The following HDDC3 variants were observed in gnomAD, a reference collection of about 807,000 sequenced individuals.
HDDC3 encodes guanosine-3',5'-bis(diphosphate) 3'-pyrophosphohydrolase MESH1.
HDDC3 carries 18 observed loss-of-function variants against 19.1 expected under a neutral mutation model. That is an observed-to-expected ratio of 0.94 (90% confidence interval 0.65 to 1.40). HDDC3 has a LOEUF of 1.40. Ranked by LOEUF, HDDC3 falls within the 40% of genes most tolerant of loss-of-function variation. HDDC3 has a pLI of 0.00. For synonymous variants in HDDC3, 107 were observed against 99.4 expected, an observed-to-expected ratio of 1.08 and a Z score of -0.46; for missense variants, 250 against 228.9, an observed-to-expected ratio of 1.09 and a Z score of -0.59.
rs954715130 is a variant in HDDC3, at chr15:90,930,677, A to G, written c.*598T>C. ...AGACACCGCGCCTGGCCCCCTTCCAACTTTCTTAACGGGAAAGGCTGCTAC... is the reference window on the plus strand; with the variant it reads ...AGACACCGCGCCTGGCCCCCTTCCAGCTTTCTTAACGGGAAAGGCTGCTAC... On this transcript the variant is annotated 3_prime_UTR_variant, in exon 4 of 4. Transcript: ENST00000394272. 4.6e-5 allele frequency: 7 copies of G among 153,810 alleles called. No individual in the cohort carries two copies. The highest frequency in any genetic ancestry group is 7.2e-5 in the African/African-American group (3 of 41,386). 9.5% of individuals were successfully genotyped at this position (153,810 alleles called of 1,614,324 possible).
At position 90,931,226 on chromosome 15, in the gene HDDC3, C is replaced by T; in HGVS notation, c.*49G>A. The T allele has an allele frequency of 1.9e-6, 3 of 1,545,772 alleles. No individual in the cohort carries two copies. Among genetic ancestry groups the T allele is most frequent in the Non-Finnish European group, 2.6e-6 (3 of 1,142,932 alleles). On this transcript the variant is annotated 3_prime_UTR_variant, in exon 4 of 4. Transcript: ENST00000394272. ...GAAAAGATGGCGTATGAATCCTGTC[C>T]GGCCTGAACGAGGCTGGAGTTGTGC...
Position 90,931,236 on chromosome 15 carries a change from G to A in HDDC3, c.*39C>T. 1 of 1,548,666 alleles carries A rather than the reference G, an allele frequency of 6.5e-7. No individual in the cohort carries two copies. The highest frequency in any genetic ancestry group is 8.7e-7 in the Non-Finnish European group (1 of 1,145,258). On this transcript the variant is annotated 3_prime_UTR_variant, in exon 4 of 4. Coordinates refer to ENST00000394272, the MANE Select transcript of HDDC3 (RefSeq NM_001286451.2). ...CGTATGAATCCTGTCCGGCCTGAAC[G>A]AGGCTGGAGTTGTGCCTCTGGATAG...
In HDDC3 at chr15:90,931,127, C is replaced by A; in HGVS notation, c.*148G>T. On this transcript the variant is annotated 3_prime_UTR_variant, in exon 4 of 4. Transcript: ENST00000394272. Reference sequence around the variant, plus strand: ...CTCAGCTTAGTTAGCAGGAGACCTTCAGACTGAGAAAAAATGCAAGTCTTT... The same window carrying A: ...CTCAGCTTAGTTAGCAGGAGACCTTAAGACTGAGAAAAAATGCAAGTCTTT... 1 of 966,250 alleles carries A rather than the reference C, an allele frequency of 1.0e-6. No homozygotes were observed. Among genetic ancestry groups the A allele is most frequent in the Non-Finnish European group, 1.5e-6 (1 of 658,302 alleles). The allele number at this position is 966,250 out of a possible 1,614,324, so 59.9% of individuals were successfully genotyped here.
chr15:90,931,503 T>A, intron 3 of HDDC3, 98 bp from the exon 4 acceptor site: 1 of 1,614,210 alleles, frequency 6.2e-7, no homozygotes, highest in Non-Finnish European at 8.5e-7. Context: ...CATGAGTTCC[T>A]GATGGAATGA....
chr15:90,931,179 T>C lies in HDDC3; in HGVS notation c.*96A>G. On this transcript the variant is annotated 3_prime_UTR_variant, in exon 4 of 4. Transcript: ENST00000394272. Reference sequence around the variant, plus strand: ...TTTGGCCTCTAATATCTGGGAAGGATGGAGGGAGCTCAGGAGACACAGAAA... The same window carrying C: ...TTTGGCCTCTAATATCTGGGAAGGACGGAGGGAGCTCAGGAGACACAGAAA... 1 of 1,424,362 alleles carries C rather than the reference T, an allele frequency of 7.0e-7. No individual in the cohort carries two copies. The highest frequency in any genetic ancestry group is 1.3e-5 in the South Asian group (1 of 77,612). 88.2% of individuals were successfully genotyped at this position (1,424,362 alleles called of 1,614,324 possible). A position where few individuals can be genotyped will look rare whatever the true frequency, so the allele number is the denominator to read the frequency against.
chr15:90,931,514 G>A, intron 3 of HDDC3, 109 bp from the exon 4 acceptor site: 1 of 1,614,174 alleles, frequency 6.2e-7, no homozygotes, highest in Non-Finnish European at 8.5e-7. Flanking sequence ...GATGGAATGA[G>A]CTGTCCTGAA....
At chr15:90,932,315 C>T (rs1231289353) in intron 1 of HDDC3, 114 bp downstream of exon 1, 1 of 797,684 alleles carries the variant, frequency 1.3e-6, no homozygotes, top group Non-Finnish European at 1.9e-6. Flanking sequence ...AACGGTATAT[C>T]GCACTAAGCT....
Position 90,931,838 on chromosome 15 carries a change from T to A in HDDC3, c.275A>T (p.Asp92Val), listed in dbSNP as rs1229747659. 3 of 1,613,974 alleles carry A rather than the reference T, an allele frequency of 1.9e-6. No homozygotes were observed. In the Admixed American group the frequency reaches 5.0e-5, roughly 27 times the overall value. The part of the protein sequence containing the change: ...VRRLVEEVTD[D>V]KTLPKLERKR... ...TCTCTCCAGCTTGGGCAGAGTCTTGTCATCTGTTACCTCCTCCACCAGGCG... is the reference window on the plus strand; with the variant it reads ...TCTCTCCAGCTTGGGCAGAGTCTTGACATCTGTTACCTCCTCCACCAGGCG... Residue 92 changes from aspartate to valine, a missense_variant, in exon 3 of 4, where the codon GAC becomes GTC. Asp to Val is a radical substitution (Grantham distance 152). Transcript: ENST00000394272.
Position 90,931,252 on chromosome 15 carries a change from C to G in HDDC3, c.*23G>C, listed in dbSNP as rs2151347626. On this transcript the variant is annotated 3_prime_UTR_variant, in exon 4 of 4. Transcript: ENST00000394272. Reference sequence around the variant, plus strand: ...GGCCTGAACGAGGCTGGAGTTGTGCCTCTGGATAGCTTCAAGCACTGATCA... The same window carrying G: ...GGCCTGAACGAGGCTGGAGTTGTGCGTCTGGATAGCTTCAAGCACTGATCA... The G allele has an allele frequency of 6.4e-7, 1 of 1,550,656 alleles. No individual in the cohort carries two copies. Among genetic ancestry groups the G allele is most frequent in the East Asian group, 2.4e-5 (1 of 40,932 alleles).
chr15:90,931,936 C>G lies in HDDC3; in HGVS notation c.177G>C (p.Leu59=). 6.2e-7 allele frequency: 1 copy of G among 1,613,788 alleles called. No homozygotes were observed. Among genetic ancestry groups the G allele is most frequent in the South Asian group, 1.1e-5 (1 of 91,054 alleles). Residue 59 remains leucine, a synonymous_variant, in exon 3 of 4, where the codon CTG becomes CTC. Coordinates refer to ENST00000394272, the MANE Select transcript of HDDC3 (RefSeq NM_001286451.2). Reference sequence around the variant, plus strand: ...CTGTGTCCTCCACCGTGTCATGGAGCAGGGCCGCCTGGGGACAAGTTCCCA... The same window carrying G: ...CTGTGTCCTCCACCGTGTCATGGAGGAGGGCCGCCTGGGGACAAGTTCCCA... ...ITDIVVLQAA[L]LHDTVEDTDT...
chr15:90,931,804 C>T lies in HDDC3; in HGVS notation c.309G>A (p.Leu103=). The part of the protein sequence containing the change: ...KTLPKLERKR[L]QVEQAPHSSP... Reference sequence around the variant, plus strand: ...TACTGTGGGGCGCTTGCTCCACCTGCAGCCTCTTTCTCTCCAGCTTGGGCA... The same window carrying T: ...TACTGTGGGGCGCTTGCTCCACCTGTAGCCTCTTTCTCTCCAGCTTGGGCA... The change falls in exon 3 of 4, where the codon CTG becomes CTA. Residue 103 remains leucine, a synonymous_variant. Transcript: ENST00000394272. The T allele has an allele frequency of 6.2e-7, 1 of 1,614,184 alleles. No homozygotes were observed. Among genetic ancestry groups the T allele is most frequent in the Non-Finnish European group, 8.5e-7 (1 of 1,180,024 alleles).
intron 1 of HDDC3, 82 bp downstream of exon 1, chr15:90,932,347 T>A: frequency 1.1e-6 from 1 of 889,218 alleles, no homozygotes; most frequent in Non-Finnish European, 1.6e-6. Context: ...AGGTGCTCAA[T>A]GAGGTGCACG....
Position 90,930,067 on chromosome 15 carries a change from AT to A in HDDC3, c.*1207del, listed in dbSNP as rs1006662851. The A allele has an allele frequency of 6.6e-6, 1 of 152,086 alleles. No homozygotes were observed. The highest frequency in any genetic ancestry group is 1.5e-5 in the Non-Finnish European group (1 of 68,012). 9.4% of individuals were successfully genotyped at this position (152,086 alleles called of 1,614,324 possible). A position where few individuals can be genotyped will look rare whatever the true frequency, so the allele number is the denominator to read the frequency against. On this transcript the variant is annotated 3_prime_UTR_variant, in exon 4 of 4. Transcript: ENST00000394272. ...ACGACTGAAAAACCACCACCGGGCAATCCCTCCCCATGGCCACCGAGCAAAG... is the reference window on the plus strand; with the variant it reads ...ACGACTGAAAAACCACCACCGGGCAACCCTCCCCATGGCCACCGAGCAAAG...
At position 90,930,852 on chromosome 15, in the gene HDDC3, T is replaced by A. The variant is rs1304419874; in HGVS notation, c.*423A>T. On this transcript the variant is annotated 3_prime_UTR_variant, in exon 4 of 4. Transcript: ENST00000394272. ...AGGTGACTCCGGGACACACAATTAG[T>A]CCTGCTTTGCTGAAGGAAAGATATG... The A allele has an allele frequency of 9.1e-6, 2 of 219,414 alleles. No homozygotes were observed. The highest frequency in any genetic ancestry group is 1.9e-5 in the Non-Finnish European group (2 of 106,912). The allele number at this position is 219,414 out of a possible 1,614,324, so 13.6% of individuals were successfully genotyped here. A position where few individuals can be genotyped will look rare whatever the true frequency, so the allele number is the denominator to read the frequency against.
Position 90,930,897 on chromosome 15 carries a change from T to C in HDDC3, c.*378A>G, listed in dbSNP as rs1442692328. Reference sequence around the variant, plus strand: ...GATATGCAGCCCACCAGTCGGAGGCTGGAGAAGGAGCAGCAGCAGCTTAAA... The same window carrying C: ...GATATGCAGCCCACCAGTCGGAGGCCGGAGAAGGAGCAGCAGCAGCTTAAA... On this transcript the variant is annotated 3_prime_UTR_variant, in exon 4 of 4. Coordinates refer to ENST00000394272, the MANE Select transcript of HDDC3 (RefSeq NM_001286451.2). The C allele has an allele frequency of 8.7e-6, 2 of 230,336 alleles. No homozygotes were observed. The highest frequency in any genetic ancestry group is 1.8e-5 in the Non-Finnish European group (2 of 113,666). 14.3% of individuals were successfully genotyped at this position (230,336 alleles called of 1,614,324 possible).
At chr15:90,932,296 T>A in intron 1 of HDDC3, 133 bp downstream of exon 1, 1 of 824,480 alleles carries the variant, frequency 1.2e-6, no homozygotes, top group Middle Eastern at 3.4e-4. Context: ...CCAATTGTTA[T>A]GAGGCTTAAA....
Position 90,931,084 on chromosome 15 carries a change from G to C in HDDC3, c.*191C>G. On this transcript the variant is annotated 3_prime_UTR_variant, in exon 4 of 4. Transcript: ENST00000394272. Reference sequence around the variant, plus strand: ...GCATCAGAAATGGATGGGTACATCTGATTCCCACCACGCGGGGCTCAGCTT... The same window carrying C: ...GCATCAGAAATGGATGGGTACATCTCATTCCCACCACGCGGGGCTCAGCTT... 1.6e-6 allele frequency: 1 copy of C among 624,362 alleles called. No individual in the cohort carries two copies. The highest frequency in any genetic ancestry group is 2.0e-5 in the South Asian group (1 of 50,854). 38.7% of individuals were successfully genotyped at this position (624,362 alleles called of 1,614,324 possible).
rs760519177 is a variant in HDDC3 at position 90,932,115 on chromosome 15, C to T, written c.113-5G>A. ...GGGTCAGGATCCGTGCCACACCTGACGGGGAGGGGCAAAGCAGGAAGTCAG... is the reference window on the plus strand; with the variant it reads ...GGGTCAGGATCCGTGCCACACCTGATGGGGAGGGGCAAAGCAGGAAGTCAG... On this transcript the variant is annotated splice_polypyrimidine_tract_variant and splice_region_variant and intron_variant, in intron 1 of 3. Coordinates refer to ENST00000394272, the MANE Select transcript of HDDC3 (RefSeq NM_001286451.2). 1.9e-6 allele frequency: 3 copies of T among 1,584,844 alleles called. No homozygotes were observed. In the African/African-American group the frequency reaches 4.0e-5, roughly 21 times the overall value.
chr15:90,931,505 ATGGAATGAGCTGTCC>A (rs2035788999), intron 3 of HDDC3, 100 bp from the exon 4 acceptor site: 1 of 1,614,062 alleles, frequency 6.2e-7, no homozygotes, highest in Non-Finnish European at 8.5e-7. Flanking sequence ...TGAGTTCCTG[ATGGAATGAGCTGTCC>A]TGAAAACTTC....
Sources: gnomAD v4.1 joint callset for allele counts on GRCh38, gnomAD v4.1.1 for gene constraint, MANE v1.5 for transcripts, NCBI Gene and HGNC (gene_info 2026-07-23, HGNC 2026-07-21) for gene names.